Variants in NUP155 observed in about 807,000 individuals in gnomAD.
NUP155 encodes nucleoporin 155, also known as nuclear pore complex protein Nup155.
A neutral mutation model predicts 180.4 loss-of-function variants in NUP155; 71 were observed. That is an observed-to-expected ratio of 0.39 (90% CI 0.33 to 0.48). NUP155 has a LOEUF of 0.48. Among genes scored for constraint, NUP155 ranks in the 20% least tolerant of loss-of-function variants. The pLI, the probability that NUP155 is intolerant of heterozygous loss-of-function variation, is 0.91. For missense variants in NUP155, 1,553 were observed against 1,648.9 expected (o/e 0.94, Z 1.01); for synonymous variants, 582 against 559.5 (o/e 1.04, Z -0.57).
At chr5:37,357,570 A>G (rs1746921348) in intron 4 of NUP155, among the ~76,000 whole-genome samples, 1 of 152,230 alleles carries the variant, frequency 6.6e-6, no homozygotes, top group South Asian at 2.1e-4. Flanking sequence ...TCAAAAAATT[A>G]CAGTTTAACA....
chr5:37,360,377 C>A (rs1020213117), intron 3 of NUP155, among the ~76,000 whole-genome samples: 1 of 151,904 alleles, frequency 6.6e-6, no homozygotes, highest in Non-Finnish European at 1.5e-5. Context: ...CCCAGCTACT[C>A]AGGAGGCTGA....
At chr5:37,355,733 C>T (rs1026520786) in intron 4 of NUP155, among the ~76,000 whole-genome samples, 8 of 151,696 alleles carry the variant, frequency 5.3e-5, no homozygotes, top group Non-Finnish European at 1.0e-4. Flanking sequence ...CGACCACCAC[C>T]AAGCCCAGCT....
intron 20 of NUP155, among the ~76,000 whole-genome samples, chr5:37,322,082 G>C (rs987488428): frequency 6.6e-6 from 1 of 151,836 alleles, no homozygotes; most frequent in East Asian, 1.9e-4. Context: ...TTGAAATCCC[G>C]ACCTCAGGTG....
Position 37,329,957 on chromosome 5 carries a change from G to C in NUP155, c.1724+81C>G, listed in dbSNP as rs983345198. ...CATAGTCACTCAACTGTTTGGCAAG[G>C]CTTTATCACATTGATAAAATCATTT... On this transcript the variant is annotated intron_variant, in intron 15 of 34. Coordinates refer to ENST00000231498, the MANE Select transcript of NUP155 (RefSeq NM_153485.3). 3 of 993,334 alleles carry C rather than the reference G, an allele frequency of 3.0e-6. No homozygotes were observed. In the African/African-American group the frequency reaches 4.8e-5, roughly 16 times the overall value. 61.5% of individuals were successfully genotyped at this position (993,334 alleles called of 1,614,324 possible). A position where few individuals can be genotyped will look rare whatever the true frequency, so the allele number is the denominator to read the frequency against.
At chr5:37,344,777 C>A (rs562126413) in intron 9 of NUP155, among the ~76,000 whole-genome samples, 1 of 149,984 alleles carries the variant, frequency 6.7e-6, no homozygotes, top group Non-Finnish European at 1.5e-5. Flanking sequence ...GAGGCCGAGG[C>A]AGGAGAACTG....
At chr5:37,319,558 GAATATGTTA>G (rs1281113124) in intron 20 of NUP155, among the ~76,000 whole-genome samples, 1 of 152,110 alleles carries the variant, frequency 6.6e-6, no homozygotes, top group Non-Finnish European at 1.5e-5. Flanking sequence ...TTAAATATAT[GAATATGTTA>G]AACATATTCA....
intron 12 of NUP155, among the ~76,000 whole-genome samples, chr5:37,333,839 T>C (rs977452421): frequency 5.9e-5 from 9 of 151,886 alleles, no homozygotes; most frequent in African/African-American, 2.2e-4. Context: ...TGAGACGAAG[T>C]TGTCTAGGCT....
In NUP155 at chr5:37,342,533, A is replaced by G; in HGVS notation, c.1093+16T>C. 6.6e-7 allele frequency: 1 copy of G among 1,515,548 alleles called. No individual in the cohort carries two copies. The highest frequency in any genetic ancestry group is 1.4e-5 in the African/African-American group (1 of 73,068). 93.9% of individuals were successfully genotyped at this position (1,515,548 alleles called of 1,614,324 possible). On this transcript the variant is annotated intron_variant, in intron 10 of 34. Coordinates refer to ENST00000231498, the MANE Select transcript of NUP155 (RefSeq NM_153485.3). ...GTTGTAACAGTAATAGCAGATATGT[A>G]AATAAAACAACATACCTGCATGTGT...
rs1742749750 is a variant in NUP155 at position 37,299,454 on chromosome 5, C to T, written c.3676G>A (p.Glu1226Lys). The T allele has an allele frequency of 6.2e-7, 1 of 1,614,104 alleles. No individual in the cohort carries two copies. The highest frequency in any genetic ancestry group is 8.5e-7 in the Non-Finnish European group (1 of 1,179,996). ...LVQTLWQDIIEKELSDSVTLS... is the reference protein window; with the variant it reads ...LVQTLWQDIIKKELSDSVTLS... ...CCTATAACTGAACACTTACCTTTCT[C>T]TATGATATCTTGCCAAAGTGTCTGC... Residue 1226 changes from glutamate to lysine, a missense_variant, in exon 31 of 35, where the codon GAG (glutamate) becomes AAG (lysine). Coordinates refer to ENST00000231498, the MANE Select transcript of NUP155 (RefSeq NM_153485.3).
At chr5:37,292,715 A>G (rs937088476) in intron 34 of NUP155, among the ~76,000 whole-genome samples, 164 bp downstream of exon 34, 8 of 152,232 alleles carry the variant, frequency 5.3e-5, no homozygotes, top group African/African-American at 1.9e-4. Context: ...AAGGGTTGAA[A>G]ATGGAAAAAA....
At chr5:37,357,428 A>G (rs1482830819) in intron 4 of NUP155, among the ~76,000 whole-genome samples, 2 of 139,938 alleles carry the variant, frequency 1.4e-5, no homozygotes, top group East Asian at 2.2e-4. Flanking sequence ...AAAAAAAAAG[A>G]GAAAGACAGA....
chr5:37,370,824 G>C lies in NUP155; in HGVS notation c.154C>G (p.Pro52Ala), dbSNP rs144801440. 3.0e-4 allele frequency: 486 copies of C among 1,614,146 alleles called. 5 individuals carry two copies. In the East Asian group the frequency reaches 0.011, roughly 36 times the overall value. ...DLSELLMVSA[P>A]NNPTVSGMSD... ...AAGCAGGGTCACTATCACTCACTTG[G>C]GGCAGACACCATAAGCAGCTCGGAA... The change falls in exon 1 of 35, where the codon CCA becomes GCA. Residue 52 changes from proline (P) to alanine (A), a missense_variant. Physicochemically the swap from Pro to Ala is conservative, Grantham distance 27. Transcript: ENST00000231498.
chr5:37,351,498 G>C (rs1367359136), intron 5 of NUP155, 142 bp from the exon 6 acceptor site: 1 of 602,006 alleles, frequency 1.7e-6, no homozygotes, highest in Non-Finnish European at 2.9e-6. Flanking sequence ...CCCAGGCTGG[G>C]TGCAGTGGCC....
In NUP155 at chr5:37,302,895, G is replaced by A. The variant is rs1173947476; in HGVS notation, c.3331C>T (p.Leu1111Phe). ...LADMHSTEIS[L>F]QQRLEYIARA... ...GCAATGTACTCTAGTCGCTGCTGAA[G>A]TGAAATTTCTGTGCTAGAAGGGAAA... The change falls in exon 29 of 35, where the codon CTT becomes TTT. Residue 1111 changes from leucine (L) to phenylalanine (F), a missense_variant. Leu to Phe is a conservative substitution (Grantham distance 22). Coordinates refer to ENST00000231498, the MANE Select transcript of NUP155 (RefSeq NM_153485.3). 1.2e-6 allele frequency: 2 copies of A among 1,613,972 alleles called. No homozygotes were observed. Among genetic ancestry groups the A allele is most frequent in the African/African-American group, 1.3e-5 (1 of 75,026 alleles).
Position 37,342,595 on chromosome 5 carries a change from T to G in NUP155, c.1047A>C (p.Glu349Asp), listed in dbSNP as rs767720056. ...ACTGACAGTCCAGTGATTCAGAATTTTCAATCACTGCTATTTGGACAATTG... is the reference window on the plus strand; with the variant it reads ...ACTGACAGTCCAGTGATTCAGAATTGTCAATCACTGCTATTTGGACAATTG... ...FKPIVQIAVI[E>D]NSESLDCQLL... is the part of the protein sequence containing the mutation. Residue 349 changes from glutamate to aspartate, a missense_variant, in exon 10 of 35, where the codon GAA (glutamate) becomes GAC (aspartate). Glu to Asp is a conservative substitution (Grantham distance 45). Transcript: ENST00000231498. 11 of 1,613,494 alleles carry G rather than the reference T, an allele frequency of 6.8e-6. No homozygotes were observed. Among genetic ancestry groups the G allele is most frequent in the Non-Finnish European group, 8.5e-6 (10 of 1,179,496 alleles).
chr5:37,345,061 T>C (rs1745987656), intron 9 of NUP155, among the ~76,000 whole-genome samples: 1 of 148,934 alleles, frequency 6.7e-6, no homozygotes, highest in Non-Finnish European at 1.5e-5. Flanking sequence ...TCCGTGCCTG[T>C]GGTCCCAGCT....
At chr5:37,296,839 T>G (rs1178676669) in intron 32 of NUP155, among the ~76,000 whole-genome samples, 3 of 152,174 alleles carry the variant, frequency 2.0e-5, no homozygotes, top group African/African-American at 4.8e-5. Flanking sequence ...GTGGCCTCAT[T>G]CTTACTTTTA....
intron 31 of NUP155, 52 bp downstream of exon 31, chr5:37,299,396 C>T: frequency 6.2e-7 from 1 of 1,608,052 alleles, no homozygotes; most frequent in Non-Finnish European, 8.5e-7. Flanking sequence ...TTGCATTCCT[C>T]CACCAAGTCA....
At chr5:37,339,197 T>G (rs1251681674) in intron 11 of NUP155, among the ~76,000 whole-genome samples, 1 of 149,928 alleles carries the variant, frequency 6.7e-6, no homozygotes, top group Non-Finnish European at 1.5e-5. Flanking sequence ...AGTAAGACCT[T>G]GTTTCAACAA....
Sources: gnomAD v4.1 joint callset for allele counts (sites outside exome capture counted in the v4.1 genomes callset) on GRCh38, gnomAD v4.1.1 for gene constraint, MANE v1.5 for transcripts, NCBI Gene and HGNC (gene_info 2026-07-23, HGNC 2026-07-21) for gene names.